The following HECW2 variants were observed in gnomAD, a reference collection of about 807,000 sequenced individuals.
The protein encoded by HECW2 is E3 ubiquitin-protein ligase HECW2.
HECW2 carries 61 observed loss-of-function variants against 175.2 expected under a neutral mutation model. The ratio of observed to expected loss-of-function variants is 0.35; its 90% CI spans 0.28 to 0.43. The LOEUF is 0.43. HECW2 is among the 20% of genes least tolerant of loss of function. HECW2 has a pLI of 1.00. For synonymous variants in HECW2, 671 were observed against 731.0 expected (o/e 0.92, Z 1.32); for missense variants, 1,524 against 2,000.5 (o/e 0.76, Z 4.54).
intron 2 of HECW2, among the ~76,000 whole-genome samples, chr2:196,414,636 A>C (rs946287923): frequency 2.0e-5 from 3 of 152,156 alleles, no homozygotes; most frequent in Non-Finnish European, 4.4e-5. Flanking sequence ...TCAGGACCAC[A>C]CACTGCCTCT....
chr2:196,393,573 T>C (rs868320839), intron 2 of HECW2, among the ~76,000 whole-genome samples: 1 of 152,140 alleles, frequency 6.6e-6, no homozygotes, highest in African/African-American at 2.4e-5. Context: ...TCACTGGCCA[T>C]CAGAGAAATG....
At chr2:196,269,600 A>G (rs948714711) in intron 17 of HECW2, 4 of 151,278 alleles carry the variant, frequency 2.6e-5, no homozygotes, top group Non-Finnish European at 5.9e-5. Flanking sequence ...ATATTTTTAC[A>G]TTCAGTATGT....
intron 1 of HECW2, among the ~76,000 whole-genome samples, chr2:196,535,315 C>G (rs1688985016): frequency 1.3e-5 from 2 of 152,180 alleles, no homozygotes; most frequent in Non-Finnish European, 2.9e-5. Flanking sequence ...GTTTACCATG[C>G]TAGTTTTGTT....
intron 1 of HECW2, among the ~76,000 whole-genome samples, chr2:196,446,211 T>C (rs79508217): frequency 0.054 from 8,154 of 152,232 alleles, 507 homozygotes; most frequent in African/African-American, 0.15. Flanking sequence ...CCTTTGCATA[T>C]GCTATTCCCT....
chr2:196,579,712 T>C (rs1053345397), intron 1 of HECW2, among the ~76,000 whole-genome samples: 12 of 152,122 alleles, frequency 7.9e-5, no homozygotes, highest in African/African-American at 2.4e-4. Flanking sequence ...AATGAGGCCA[T>C]TAGTATAGAC....
Position 196,318,752 on chromosome 2 carries a change from G to A in HECW2, c.2138C>T (p.Pro713Leu), listed in dbSNP as rs770546657. The change falls in exon 9 of 29, where the codon CCC becomes CTC. Residue 713 changes from proline to leucine, a missense_variant. Pro to Leu is a moderately conservative substitution (Grantham distance 98). This residue lies in a region of HECW2 where 604 missense variants were observed against 588.3 expected (regional missense o/e 1.03). Coordinates refer to ENST00000644978, the MANE Select transcript of HECW2 (RefSeq NM_001348768.2). ...CCCTGGCCCTTCATCCTCCCCACTG[G>A]GCACCTGTACCACAGGTAAAGAACC... is the stretch of plus-strand genomic sequence containing the variant. ...TAGSLPVVQV[P>L]SGEDEGPGAE... The A allele has an allele frequency of 6.5e-7, 1 of 1,530,808 alleles. No individual in the cohort carries two copies. Among genetic ancestry groups the A allele is most frequent in the Non-Finnish European group, 8.8e-7 (1 of 1,138,522 alleles). The allele number at this position is 1,530,808 out of a possible 1,614,324, so 94.8% of individuals were successfully genotyped here. A position where few individuals can be genotyped will look rare whatever the true frequency, so the allele number is the denominator to read the frequency against.
chr2:196,215,972 A>G lies in HECW2; in HGVS notation c.4500T>C (p.Val1500=). The part of the protein sequence containing the change: ...NEQRLRLLQF[V]TGTSSIPYEG... The stretch of plus-strand genomic sequence containing the variant: ...CATAGGGAATGCTGGATGTGCCTGT[A>G]ACAAACTGTCAACCCAAGAAAACAG... Residue 1500 remains valine (V), a synonymous_variant, in exon 28 of 29, where the codon GTT becomes GTC. Coordinates refer to ENST00000644978, the MANE Select transcript of HECW2 (RefSeq NM_001348768.2). 1 of 1,611,276 alleles carries G rather than the reference A, an allele frequency of 6.2e-7. No homozygotes were observed. The highest frequency in any genetic ancestry group is 8.5e-7 in the Non-Finnish European group (1 of 1,177,518).
At chr2:196,209,993 G>C (rs1277915840) in intron 28 of HECW2, among the ~76,000 whole-genome samples, 1 of 152,240 alleles carries the variant, frequency 6.6e-6, no homozygotes, top group South Asian at 2.1e-4. Flanking sequence ...TCCATCTCCT[G>C]ACCTCGTGAT....
At chr2:196,455,882 ATAAC>A (rs1191832110) in intron 1 of HECW2, among the ~76,000 whole-genome samples, 3 of 147,622 alleles carry the variant, frequency 2.0e-5, no homozygotes, top group African/African-American at 7.9e-5. Context: ...TATGATATAA[ATAAC>A]AGAAAAAATT....
chr2:196,543,251 T>C (rs1019579698), intron 1 of HECW2, among the ~76,000 whole-genome samples: 2 of 151,278 alleles, frequency 1.3e-5, no homozygotes, highest in African/African-American at 4.8e-5. Flanking sequence ...GTCACATATT[T>C]AGATGCCTAT....
intron 13 of HECW2, among the ~76,000 whole-genome samples, chr2:196,302,786 T>G (rs1691112599): frequency 6.6e-6 from 1 of 152,262 alleles, no homozygotes; most frequent in Non-Finnish European, 1.5e-5. Flanking sequence ...GAGACTGAAG[T>G]TGCTTATCAG....
intron 28 of HECW2, among the ~76,000 whole-genome samples, chr2:196,209,885 T>A (rs1687209689): frequency 6.6e-6 from 1 of 151,676 alleles, no homozygotes; most frequent in Non-Finnish European, 1.5e-5. Context: ...TGCCTCTGCC[T>A]CCCGAGTAGA....
chr2:196,451,620 T>C (rs1483782351), intron 1 of HECW2, among the ~76,000 whole-genome samples: 1 of 151,466 alleles, frequency 6.6e-6, no homozygotes, highest in Non-Finnish European at 1.5e-5. Context: ...TTCCTGATGG[T>C]TGGGCGCAGT....
Position 196,341,344 on chromosome 2 carries a change from T to C in HECW2, c.400+2313A>G, listed in dbSNP as rs1692744739. ...TTCCCCTGAAGTTCAGTTGGCAATA[T>C]TTCTCAGCTAGATCAGCCTTTTAAA... On this transcript the variant is annotated intron_variant, in intron 3 of 28. Transcript: ENST00000644978. Among the ~76,000 whole-genome samples the C allele has an allele frequency of 2.7e-5, 4 of 147,440 alleles. No individual in the cohort carries two copies. The South Asian group carries it at 6.2e-4, about 23-fold the overall frequency.
chr2:196,333,518 T>C (rs1383865213), intron 4 of HECW2, among the ~76,000 whole-genome samples: 2 of 152,200 alleles, frequency 1.3e-5, no homozygotes, highest in African/African-American at 4.8e-5. Flanking sequence ...TATATACACA[T>C]ACACCCACAC....
intron 28 of HECW2, among the ~76,000 whole-genome samples, chr2:196,212,874 T>C (rs1687342261): frequency 6.6e-6 from 1 of 152,228 alleles, no homozygotes; most frequent in South Asian, 2.1e-4. Context: ...TTTTGTACCA[T>C]GTCACATTTT....
At chr2:196,483,794 T>A (rs547664114) in intron 1 of HECW2, among the ~76,000 whole-genome samples, 4 of 152,324 alleles carry the variant, frequency 2.6e-5, no homozygotes, top group African/African-American at 9.6e-5. Context: ...TAAATTGCAA[T>A]GTGGAGGAAC....
intron 1 of HECW2, among the ~76,000 whole-genome samples, 194 bp from the exon 2 acceptor site, chr2:196,433,652 G>C (rs1695784574): frequency 6.6e-6 from 1 of 152,120 alleles, no homozygotes; most frequent in African/African-American, 2.4e-5. Flanking sequence ...CAAGTCACAT[G>C]ATGGCAAAGG....
intron 2 of HECW2, among the ~76,000 whole-genome samples, chr2:196,392,540 T>G (rs1043229527): frequency 1.3e-5 from 2 of 152,192 alleles, no homozygotes; most frequent in Non-Finnish European, 2.9e-5. Context: ...CAACACAAGG[T>G]GTTCCATATT....
Sources: allele counts gnomAD v4.1 joint callset (sites outside exome capture counted in the v4.1 genomes callset), GRCh38; gene constraint gnomAD v4.1.1; regional missense constraint gnomAD v4.1.1; transcripts MANE v1.5; gene names NCBI Gene and HGNC (gene_info 2026-07-23, HGNC 2026-07-21).